HDAC9: variants seen among roughly 807,000 people sequenced by gnomAD.
HDAC9 encodes the protein histone deacetylase 9.
In HDAC9, 41 loss-of-function variants were observed where a neutral mutation model predicts 139.4. The ratio of observed to expected loss-of-function variants is 0.29; its 90% CI spans 0.23 to 0.38. The LOEUF (loss-of-function observed/expected upper bound fraction) is 0.38. Ranked by LOEUF, HDAC9 falls within the 10% of genes least tolerant of loss-of-function variation. The pLI is 1.00. For synonymous variants in HDAC9, 517 were observed against 476.2 expected, an observed-to-expected ratio of 1.09 and a Z score of -1.12; for missense variants, 1,147 against 1,297.0, an observed-to-expected ratio of 0.88 and a Z score of 1.78.
At chr7:18,186,916 C>G (rs1438713314) in intron 2 of HDAC9, among the ~76,000 whole-genome samples, 1 of 152,154 alleles carries the variant, frequency 6.6e-6, no homozygotes, top group Non-Finnish European at 1.5e-5. Context: ...AATATTTACT[C>G]TACAGAACTA....
At chr7:18,415,048 G>A (rs1337155426) in intron 1 of HDAC9, among the ~76,000 whole-genome samples, 4 of 151,954 alleles carry the variant, frequency 2.6e-5, no homozygotes, top group East Asian at 1.9e-4. Context: ...ATATTTTCCC[G>A]AATTTTACAG....
chr7:18,921,208 C>T (rs1013869702), intron 22 of HDAC9, among the ~76,000 whole-genome samples: 2 of 152,092 alleles, frequency 1.3e-5, no homozygotes, highest in African/African-American at 2.4e-5. Context: ...AAAGCAATGG[C>T]AACAAAAGCC....
chr7:18,724,160 C>T (rs180829329), intron 12 of HDAC9, among the ~76,000 whole-genome samples: 1 of 152,258 alleles, frequency 6.6e-6, no homozygotes, highest in Admixed American at 6.5e-5. Context: ...TTTCCCTGAA[C>T]CTCTTCAACA....
chr7:18,952,751 A>T (rs543035759), intron 23 of HDAC9, among the ~76,000 whole-genome samples: 9 of 151,938 alleles, frequency 5.9e-5, no homozygotes, highest in African/African-American at 1.7e-4. Context: ...ATTTTAAAAA[A>T]TGATTTTAAC....
chr7:18,476,278 C>A (rs553108681), intron 1 of HDAC9, among the ~76,000 whole-genome samples: 3 of 152,064 alleles, frequency 2.0e-5, no homozygotes, highest in Non-Finnish European at 4.4e-5. Context: ...GTAATGCCCA[C>A]AAAGACTAGT....
At chr7:18,188,349 C>T (rs1790073257) in intron 2 of HDAC9, among the ~76,000 whole-genome samples, 1 of 152,114 alleles carries the variant, frequency 6.6e-6, no homozygotes, top group Non-Finnish European at 1.5e-5. Flanking sequence ...AAAATTAATT[C>T]AAGATGGATT....
chr7:18,804,387 A>G (rs1256415413), intron 17 of HDAC9, among the ~76,000 whole-genome samples: 1 of 152,170 alleles, frequency 6.6e-6, no homozygotes, highest in Non-Finnish European at 1.5e-5. Context: ...ACACATACAC[A>G]CAAACACGCT....
At chr7:18,173,111 C>G (rs1232243619) in intron 2 of HDAC9, among the ~76,000 whole-genome samples, 1 of 152,144 alleles carries the variant, frequency 6.6e-6, no homozygotes, top group Admixed American at 6.5e-5. Flanking sequence ...TCTCTAAGGA[C>G]TTGCTTTATG....
chr7:18,955,560 T>C (rs980125853), intron 24 of HDAC9, among the ~76,000 whole-genome samples: 43 of 152,186 alleles, frequency 2.8e-4, no homozygotes, highest in Non-Finnish European at 1.6e-4. Flanking sequence ...ATCACTTCAA[T>C]AGGCATTTTT....
chr7:18,426,478 G>A (rs540648662), intron 1 of HDAC9, among the ~76,000 whole-genome samples: 6 of 152,102 alleles, frequency 3.9e-5, no homozygotes, highest in Admixed American at 2.0e-4. Context: ...TTGAATTGGC[G>A]CAAATTATTT....
intron 17 of HDAC9, among the ~76,000 whole-genome samples, chr7:18,827,922 C>T (rs1795575436): frequency 6.6e-6 from 1 of 152,000 alleles, no homozygotes; most frequent in South Asian, 2.1e-4. Flanking sequence ...TAGTTCCTTT[C>T]ATATTAATAT....
intron 1 of HDAC9, among the ~76,000 whole-genome samples, chr7:18,335,699 G>T (rs570594071): frequency 6.6e-6 from 1 of 151,636 alleles, no homozygotes; most frequent in Non-Finnish European, 1.5e-5. Context: ...AGAATGTTTA[G>T]AATCTCTTTC....
intron 2 of HDAC9, among the ~76,000 whole-genome samples, chr7:18,263,774 A>G (rs1300767296): frequency 1.3e-5 from 2 of 151,914 alleles, no homozygotes; most frequent in Non-Finnish European, 2.9e-5. Flanking sequence ...ACACCTGGCT[A>G]ATTTTTGTAA....
At chr7:18,197,167 G>T (rs956338201) in intron 2 of HDAC9, among the ~76,000 whole-genome samples, 4 of 152,114 alleles carry the variant, frequency 2.6e-5, no homozygotes, top group Non-Finnish European at 4.4e-5. Context: ...TCAAAACTGG[G>T]AAATCAGCTC....
rs973114196 is a variant in HDAC9, at chr7:18,724,049, C to T, written c.1732-3531C>T. Reference sequence around the variant, plus strand: ...ACACACAAAAATGTGCATGCACACACCCATGCAAAATGTATTTAGAGCTTC... The same window carrying T: ...ACACACAAAAATGTGCATGCACACATCCATGCAAAATGTATTTAGAGCTTC... On this transcript the variant is annotated intron_variant, in intron 12 of 25. Transcript: ENST00000686413. Among the ~76,000 whole-genome samples, 3 of 152,290 alleles carry T rather than the reference C, an allele frequency of 2.0e-5. No homozygotes were observed. The South Asian group carries it at 6.2e-4, about 32-fold the overall frequency.
At chr7:18,170,385 C>T (rs1788335804) in intron 2 of HDAC9, among the ~76,000 whole-genome samples, 1 of 152,062 alleles carries the variant, frequency 6.6e-6, no homozygotes, top group Non-Finnish European at 1.5e-5. Flanking sequence ...TTCTCCCATT[C>T]TGTAGGTTGC....
At chr7:18,139,821 G>A (rs1427444032) in intron 1 of HDAC9, among the ~76,000 whole-genome samples, 5 of 152,186 alleles carry the variant, frequency 3.3e-5, no homozygotes, top group African/African-American at 4.8e-5. Flanking sequence ...AGAAGGCAAT[G>A]CGATCATGAA....
chr7:18,793,814 G>A (rs1329264367), intron 17 of HDAC9, among the ~76,000 whole-genome samples: 2 of 152,178 alleles, frequency 1.3e-5, no homozygotes, highest in African/African-American at 4.8e-5. Flanking sequence ...TGATTACTGA[G>A]AAGTGTGTAT....
chr7:18,616,136 G>A (rs1236132028), intron 6 of HDAC9, among the ~76,000 whole-genome samples: 1 of 152,050 alleles, frequency 6.6e-6, no homozygotes, highest in African/African-American at 2.4e-5. Context: ...ATTTTTTAAG[G>A]ACCCCTTGGA....
Sources: allele counts gnomAD v4.1 joint callset (sites outside exome capture counted in the v4.1 genomes callset), GRCh38; gene constraint gnomAD v4.1.1; transcripts MANE v1.5; gene names NCBI Gene and HGNC (gene_info 2026-07-23, HGNC 2026-07-21).